The following DENND1B variants were observed in gnomAD, a reference collection of about 807,000 sequenced individuals.
The protein encoded by DENND1B is DENN domain containing 1B.
A neutral mutation model predicts 90.1 loss-of-function variants in DENND1B; 59 were observed. That is an observed-to-expected ratio of 0.65 (90% confidence interval 0.53 to 0.81). The LOEUF (loss-of-function observed/expected upper bound fraction) is 0.81, where lower values mean the gene tolerates loss of function less well. Ranked by LOEUF, DENND1B falls within the 40% of genes least tolerant of loss-of-function variation. The pLI is 0.00. For missense variants in DENND1B, 862 were observed against 912.6 expected (o/e 0.94, Z 0.71); for synonymous variants, 337 against 324.6 (o/e 1.04, Z -0.41).
chr1:197,633,915 A>G (rs879272079), intron 10 of DENND1B, among the ~76,000 whole-genome samples: 5 of 152,146 alleles, frequency 3.3e-5, no homozygotes, highest in African/African-American at 4.8e-5. Context: ...GCTGCGAGTG[A>G]GGCATCTCTT....
intron 13 of DENND1B, among the ~76,000 whole-genome samples, chr1:197,604,037 A>T (rs1273296933): frequency 1.3e-5 from 2 of 151,262 alleles, no homozygotes; most frequent in Non-Finnish European, 3.0e-5. Context: ...TATACTACAG[A>T]TGTTTGAAGG....
intron 12 of DENND1B, 87 bp downstream of exon 12, chr1:197,611,844 C>T (rs1558304830): frequency 3.5e-6 from 4 of 1,149,242 alleles, no homozygotes; most frequent in Non-Finnish European, 3.9e-6. Flanking sequence ...TTGTCCTATA[C>T]CACTGATATT....
intron 5 of DENND1B, among the ~76,000 whole-genome samples, chr1:197,666,788 T>C (rs1654977051): frequency 1.3e-5 from 2 of 152,210 alleles, no homozygotes; most frequent in Admixed American, 1.3e-4. Context: ...ATTGTATGAA[T>C]AGCTCATTAG....
At chr1:197,602,726 T>G (rs548118966) in intron 13 of DENND1B, among the ~76,000 whole-genome samples, 1 of 151,610 alleles carries the variant, frequency 6.6e-6, no homozygotes, top group South Asian at 2.1e-4. Flanking sequence ...CATAACTTAA[T>G]ATTTTTTGAA....
intron 10 of DENND1B, among the ~76,000 whole-genome samples, chr1:197,638,824 T>C (rs189534977): frequency 1.3e-5 from 2 of 152,190 alleles, no homozygotes; most frequent in Admixed American, 1.3e-4. Context: ...CCGTTCCATG[T>C]GTACTTGACA....
At chr1:197,518,160 T>C (rs765548780) in intron 20 of DENND1B, among the ~76,000 whole-genome samples, 8 of 151,836 alleles carry the variant, frequency 5.3e-5, no homozygotes, top group Non-Finnish European at 1.0e-4. Flanking sequence ...CAAAAGACTC[T>C]GAAAGGAGCA....
At chr1:197,639,683 A>G (rs2125913709) in intron 10 of DENND1B, among the ~76,000 whole-genome samples, 1 of 152,218 alleles carries the variant, frequency 6.6e-6, no homozygotes, top group East Asian at 1.9e-4. Flanking sequence ...AGTCTCCGTG[A>G]TATATAAAAA....
intron 20 of DENND1B, among the ~76,000 whole-genome samples, chr1:197,527,716 T>A (rs1462686728): frequency 6.6e-6 from 1 of 152,236 alleles, no homozygotes; most frequent in East Asian, 1.9e-4. Flanking sequence ...ATTCAATTAT[T>A]TGTATTATTT....
chr1:197,724,406 C>T (rs532866466), intron 2 of DENND1B, among the ~76,000 whole-genome samples: 77 of 152,084 alleles, frequency 5.1e-4, no homozygotes, highest in African/African-American at 1.6e-3. Context: ...ATAATAAAGT[C>T]ACTAAGAAAC....
At chr1:197,763,203 C>G (rs1454951536) in intron 2 of DENND1B, among the ~76,000 whole-genome samples, 2 of 152,188 alleles carry the variant, frequency 1.3e-5, no homozygotes, top group African/African-American at 4.8e-5. Flanking sequence ...ACTGGCTACT[C>G]AGAAGACTGA....
At chr1:197,746,901 C>T (rs1663810292) in intron 2 of DENND1B, 3 of 1,607,872 alleles carry the variant, frequency 1.9e-6, no homozygotes, top group Non-Finnish European at 2.6e-6. Context: ...GCAATCTTTA[C>T]ACCAAGCTCT....
chr1:197,532,248 A>C (rs1215239960), intron 20 of DENND1B, among the ~76,000 whole-genome samples: 1 of 10,912 alleles, frequency 9.2e-5, no homozygotes, highest in African/African-American at 9.8e-5. Flanking sequence ...TCTTCTGAAT[A>C]GACCAATAAC....
intron 10 of DENND1B, among the ~76,000 whole-genome samples, chr1:197,635,684 A>G (rs928957949): frequency 3.9e-5 from 6 of 152,150 alleles, no homozygotes; most frequent in Non-Finnish European, 8.8e-5. Flanking sequence ...AGAGCTTGAC[A>G]TATTCACTAA....
intron 10 of DENND1B, among the ~76,000 whole-genome samples, chr1:197,622,210 A>G (rs769240211): frequency 2.0e-5 from 3 of 151,406 alleles, no homozygotes; most frequent in Admixed American, 6.6e-5. Flanking sequence ...TGTTTACATA[A>G]TGTTTACCAT....
At chr1:197,745,657 T>C (rs551370392) in intron 2 of DENND1B, among the ~76,000 whole-genome samples, 1 of 147,406 alleles carries the variant, frequency 6.8e-6, no homozygotes, top group East Asian at 2.0e-4. Flanking sequence ...ATAATAATAA[T>C]GAAAATTTTT....
At chr1:197,542,736 A>G (rs1435452269) in intron 18 of DENND1B, among the ~76,000 whole-genome samples, 1 of 152,146 alleles carries the variant, frequency 6.6e-6, no homozygotes, top group Non-Finnish European at 1.5e-5. Context: ...AGCAGTCTGG[A>G]AAGATCAGTT....
intron 14 of DENND1B, among the ~76,000 whole-genome samples, chr1:197,587,310 T>A (rs1005553332): frequency 4.6e-5 from 7 of 151,900 alleles, no homozygotes; most frequent in African/African-American, 1.5e-4. Context: ...CGTAGAAACA[T>A]AAAACAATGG....
At chr1:197,616,664 G>A (rs995551125) in intron 11 of DENND1B, among the ~76,000 whole-genome samples, 1 of 151,084 alleles carries the variant, frequency 6.6e-6, no homozygotes. Flanking sequence ...GAAACCCTCT[G>A]TGTATGAACT....
intron 3 of DENND1B, among the ~76,000 whole-genome samples, chr1:197,678,233 ATATTT>A (rs1415419421): frequency 6.6e-6 from 1 of 152,212 alleles, no homozygotes; most frequent in East Asian, 1.9e-4. Context: ...GAAGTATATT[ATATTT>A]TATTTCTTAA....
Sources: allele counts gnomAD v4.1 joint callset (sites outside exome capture counted in the v4.1 genomes callset), GRCh38; gene constraint gnomAD v4.1.1; transcripts MANE v1.5; gene names NCBI Gene and HGNC (gene_info 2026-07-23, HGNC 2026-07-21).